ARFIP1: variants seen among roughly 807,000 people sequenced by gnomAD.
The protein encoded by ARFIP1 is ARF interacting protein 1.
In ARFIP1, 24 loss-of-function variants were observed where a neutral mutation model predicts 42.5. The ratio of observed to expected loss-of-function variants is 0.57; its 90% CI spans 0.41 to 0.80. The LOEUF (loss-of-function observed/expected upper bound fraction) is 0.80. ARFIP1 is among the 30% of genes least tolerant of loss of function. The probability of loss-of-function intolerance (pLI) is 0.00; values close to 1 mark genes in which losing one functional copy is unlikely to be tolerated. For synonymous variants in ARFIP1, 141 were observed against 153.7 expected (o/e 0.92, Z 0.61); for missense variants, 354 against 434.0 (o/e 0.82, Z 1.64).
chr4:152,839,629 CCT>C (rs751398976), intron 2 of ARFIP1, among the ~76,000 whole-genome samples: 7 of 152,144 alleles, frequency 4.6e-5, no homozygotes, highest in Middle Eastern at 3.4e-3. Context: ...TGTAATATCC[CCT>C]GTTTCATTTC....
intron 8 of ARFIP1, among the ~76,000 whole-genome samples, chr4:152,895,964 C>G (rs1737287305): frequency 1.3e-5 from 2 of 152,006 alleles, no homozygotes; most frequent in African/African-American, 4.8e-5. Context: ...TAGGCATTAA[C>G]CAAACAATTA....
intron 8 of ARFIP1, among the ~76,000 whole-genome samples, chr4:152,900,834 A>T (rs1737768726): frequency 6.6e-6 from 1 of 152,206 alleles, no homozygotes; most frequent in African/African-American, 2.4e-5. Flanking sequence ...TGATTTTTAC[A>T]CTTTTTTCTT....
At chr4:152,905,545 G>GCTTTTTT (rs1554036969) in intron 8 of ARFIP1, among the ~76,000 whole-genome samples, 3 of 30,372 alleles carry the variant, frequency 9.9e-5, no homozygotes, top group African/African-American at 3.7e-4. Context: ...TGTAAGAATT[G>GCTTTTTT]TTTTTTTTTT....
intron 8 of ARFIP1, among the ~76,000 whole-genome samples, chr4:152,897,948 A>G (rs1737482254): frequency 6.7e-6 from 1 of 150,304 alleles, no homozygotes; most frequent in South Asian, 2.1e-4. Flanking sequence ...CTCAGAAGAC[A>G]CTAGCAGTGT....
chr4:152,891,040 T>G (rs543181067), intron 8 of ARFIP1, among the ~76,000 whole-genome samples: 1 of 152,266 alleles, frequency 6.6e-6, no homozygotes, highest in Admixed American at 6.5e-5. Flanking sequence ...ACCTTCTGAC[T>G]CGTAGATGGC....
At chr4:152,817,144 T>G (rs1438728820) in intron 1 of ARFIP1, among the ~76,000 whole-genome samples, 1 of 152,172 alleles carries the variant, frequency 6.6e-6, no homozygotes, top group African/African-American at 2.4e-5. Flanking sequence ...AGGAATGAAG[T>G]AGAACATAAT....
intron 2 of ARFIP1, among the ~76,000 whole-genome samples, chr4:152,836,853 T>C (rs1371068802): frequency 6.6e-6 from 1 of 152,160 alleles, no homozygotes; most frequent in Non-Finnish European, 1.5e-5. Flanking sequence ...AATAAGTTCT[T>C]TAGTGGTGAT....
chr4:152,787,738 G>A (rs1367527594), intron 1 of ARFIP1, among the ~76,000 whole-genome samples: 3 of 152,320 alleles, frequency 2.0e-5, no homozygotes, highest in African/African-American at 4.8e-5. Flanking sequence ...TGTATAAGGT[G>A]TATATGAAAT....
chr4:152,890,386 C>T (rs538882780), intron 8 of ARFIP1, among the ~76,000 whole-genome samples: 45 of 152,084 alleles, frequency 3.0e-4, no homozygotes, highest in Non-Finnish European at 1.2e-4. Context: ...ATGAATGTTA[C>T]TTCTGATTTT....
intron 2 of ARFIP1, among the ~76,000 whole-genome samples, chr4:152,845,247 T>G (rs1221066493): frequency 6.6e-6 from 1 of 152,170 alleles, no homozygotes; most frequent in Admixed American, 6.5e-5. Flanking sequence ...GACCTCAAAG[T>G]ATAAAAATCC....
At chr4:152,896,607 A>G (rs1395570724) in intron 8 of ARFIP1, among the ~76,000 whole-genome samples, 2 of 152,218 alleles carry the variant, frequency 1.3e-5, no homozygotes, top group East Asian at 1.9e-4. Flanking sequence ...AGTTACCTAT[A>G]GAGGGAACAG....
intron 1 of ARFIP1, chr4:152,796,202 A>G (rs1396207934): frequency 1.3e-6 from 1 of 798,480 alleles, no homozygotes; most frequent in Admixed American, 1.9e-5. Flanking sequence ...GTCTTTAGTA[A>G]TAACACCCAA....
chr4:152,887,779 C>G (rs956544218), intron 7 of ARFIP1, among the ~76,000 whole-genome samples: 2 of 152,030 alleles, frequency 1.3e-5, no homozygotes, highest in Non-Finnish European at 2.9e-5. Context: ...GCTGTCCTTA[C>G]CTGCTTTGCC....
intron 1 of ARFIP1, among the ~76,000 whole-genome samples, chr4:152,791,162 TGTAA>T (rs1267266158): frequency 6.6e-6 from 1 of 152,206 alleles, no homozygotes; most frequent in Non-Finnish European, 1.5e-5. Flanking sequence ...AGAAGAATAA[TGTAA>T]GTTATTCTGT....
At chr4:152,803,869 C>T (rs1578829806) in intron 1 of ARFIP1, among the ~76,000 whole-genome samples, 2 of 150,352 alleles carry the variant, frequency 1.3e-5, no homozygotes, top group East Asian at 3.9e-4. Context: ...CTTAACTGCT[C>T]ATGATAATAT....
intron 2 of ARFIP1, among the ~76,000 whole-genome samples, chr4:152,840,971 C>T (rs1049989933): frequency 2.0e-5 from 3 of 151,738 alleles, no homozygotes; most frequent in Non-Finnish European, 2.9e-5. Flanking sequence ...CCACCCGCCT[C>T]GACCTCCGAA....
chr4:152,811,200 G>A (rs184778001), intron 1 of ARFIP1, among the ~76,000 whole-genome samples: 5 of 149,700 alleles, frequency 3.3e-5, no homozygotes, highest in East Asian at 4.0e-4. Flanking sequence ...TCTGTGTGCC[G>A]GCTACCCTTC....
intron 5 of ARFIP1, among the ~76,000 whole-genome samples, chr4:152,877,297 C>T (rs941267984): frequency 2.0e-5 from 3 of 152,170 alleles, no homozygotes; most frequent in African/African-American, 4.8e-5. Flanking sequence ...GAACCCACCT[C>T]CTGCATCAGC....
chr4:152,879,172 C>T (rs1325614317), intron 5 of ARFIP1, among the ~76,000 whole-genome samples: 3 of 150,096 alleles, frequency 2.0e-5, no homozygotes, highest in Non-Finnish European at 4.4e-5. Context: ...TAAAAAATAA[C>T]ACTCTTTTGT....
Sources: gnomAD v4.1 joint callset for allele counts (sites outside exome capture counted in the v4.1 genomes callset) on GRCh38, gnomAD v4.1.1 for gene constraint, MANE v1.5 for transcripts, NCBI Gene and HGNC (gene_info 2026-07-23, HGNC 2026-07-21) for gene names.